AFF2: variants seen among roughly 807,000 people sequenced by gnomAD.
AFF2 encodes AF4/FMR2 family member 2.
Under a neutral mutation model 76.9 loss-of-function variants are expected in AFF2, and 14 were observed. The observed-to-expected ratio is 0.18, with a 90% confidence interval of 0.12 to 0.28. The LOEUF is 0.28. Among genes scored for constraint, AFF2 ranks in the 10% least tolerant of loss-of-function variants. The pLI is 1.00. For synonymous variants in AFF2, 398 were observed against 366.7 expected (o/e 1.09, Z -0.98); for missense variants, 868 against 1,001.1 (o/e 0.87, Z 1.79).
intron 19 of AFF2, among the ~76,000 whole-genome samples, chrX:148,981,537 T>C (rs6419454): frequency 0.31 from 34,289 of 110,139 alleles, 4,308 homozygotes; most frequent in African/African-American, 0.46. Flanking sequence ...ATGTCTCTTA[T>C]AGAGAGTGAG....
chrX:148,964,281 T>C (rs1336256371), intron 13 of AFF2, among the ~76,000 whole-genome samples: 1 of 111,988 alleles, frequency 8.9e-6, no homozygotes, highest in Non-Finnish European at 1.9e-5. Context: ...ATTGGTGTCT[T>C]AGGGCAGGGA....
At chrX:148,524,386 T>A (rs2052636439) in intron 1 of AFF2, among the ~76,000 whole-genome samples, 1 of 111,459 alleles carries the variant, frequency 9.0e-6, no homozygotes, top group Non-Finnish European at 1.9e-5. Flanking sequence ...TTCTCATTTC[T>A]TCATTGCCTT....
At chrX:148,838,834 A>G (rs782098669) in intron 5 of AFF2, among the ~76,000 whole-genome samples, 8 of 112,272 alleles carry the variant, frequency 7.1e-5, no homozygotes, top group South Asian at 3.7e-4. Flanking sequence ...TTTTAGGGTC[A>G]TGATTTTGAA....
chrX:148,665,905 T>C (rs782191830), intron 3 of AFF2, among the ~76,000 whole-genome samples: 18 of 112,049 alleles, frequency 1.6e-4, no homozygotes, highest in Admixed American at 5.7e-4. Context: ...CTTTGAGTAT[T>C]CTCAACTTTT....
chrX:148,799,108 A>G (rs1396563821), intron 3 of AFF2, among the ~76,000 whole-genome samples: 2 of 111,900 alleles, frequency 1.8e-5, no homozygotes, highest in Non-Finnish European at 3.8e-5. Context: ...CTTGCCAACA[A>G]GAAGTGTAAC....
chrX:148,898,257 A>T (rs1482296882), intron 8 of AFF2, among the ~76,000 whole-genome samples: 1 of 112,081 alleles, frequency 8.9e-6, no homozygotes, highest in African/African-American at 3.2e-5. Context: ...TGGCTGTTCA[A>T]CTGGCTGTGG....
intron 3 of AFF2, among the ~76,000 whole-genome samples, chrX:148,711,926 G>A (rs1047580554): frequency 3.6e-5 from 4 of 111,650 alleles, no homozygotes; most frequent in African/African-American, 1.3e-4. Flanking sequence ...ATATGATCTT[G>A]TATCTGCCTT....
intron 3 of AFF2, among the ~76,000 whole-genome samples, chrX:148,692,007 A>G (rs190622814): frequency 9.5e-6 from 1 of 105,627 alleles, no homozygotes; most frequent in East Asian, 3.0e-4. Flanking sequence ...TGAGATTATT[A>G]GTTTAAAACT....
At chrX:148,939,932 C>T (rs1202501720) in intron 9 of AFF2, among the ~76,000 whole-genome samples, 1 of 112,134 alleles carries the variant, frequency 8.9e-6, no homozygotes, top group Non-Finnish European at 1.9e-5. Flanking sequence ...TGAATTTAGG[C>T]ACAGTTACCT....
chrX:148,599,839 C>T (rs1306649773), intron 1 of AFF2, among the ~76,000 whole-genome samples: 3 of 111,573 alleles, frequency 2.7e-5, no homozygotes, highest in Non-Finnish European at 5.6e-5. Flanking sequence ...GTTCAGTCCT[C>T]GAACTTGAAC....
intron 18 of AFF2, 119 bp downstream of exon 18, chrX:148,978,574 G>T (rs1569557926): frequency 2.4e-5 from 12 of 501,266 alleles, no homozygotes; most frequent in Admixed American, 9.3e-5. Flanking sequence ...CTCCCTGCTG[G>T]CCATGGCCGT....
chrX:148,878,518 G>C lies in AFF2; in HGVS notation c.1263-7371G>C, dbSNP rs921255975. On this transcript the variant is annotated intron_variant, in intron 7 of 20. Transcript: ENST00000370460. The stretch of plus-strand genomic sequence containing the variant: ...ATCTCACCGGCAAATACCAAGCCTC[G>C]TATATGGTCTTGAATGAATTCCTAT... 1.1e-4 allele frequency among the ~76,000 whole-genome samples: 12 copies of C among 111,540 alleles called. No homozygotes were observed. The Admixed American group carries it at 1.1e-3, about 11-fold the overall frequency.
chrX:148,770,938 G>A (rs1437711750), intron 3 of AFF2, among the ~76,000 whole-genome samples: 5 of 111,836 alleles, frequency 4.5e-5, no homozygotes, highest in East Asian at 2.8e-4. Context: ...GTTCCCTAAC[G>A]GAAAAAATGT....
intron 9 of AFF2, among the ~76,000 whole-genome samples, chrX:148,945,519 A>G (rs1206624972): frequency 8.9e-6 from 1 of 112,056 alleles, no homozygotes. Flanking sequence ...TAGCCTTGCC[A>G]TGCTCAATGT....
intron 3 of AFF2, among the ~76,000 whole-genome samples, chrX:148,783,486 G>A (rs1383685633): frequency 1.8e-5 from 2 of 111,788 alleles, no homozygotes; most frequent in African/African-American, 6.5e-5. Context: ...TTGTATTTTA[G>A]TTAGTTTTTA....
intron 1 of AFF2, among the ~76,000 whole-genome samples, chrX:148,610,576 A>G (rs782299073): frequency 8.9e-6 from 1 of 111,831 alleles, no homozygotes; most frequent in South Asian, 3.7e-4. Flanking sequence ...AAAGTTGTGT[A>G]GCTGCATCTT....
chrX:148,846,000 GACTATAC>G (rs1432688588), intron 7 of AFF2, among the ~76,000 whole-genome samples: 1 of 111,866 alleles, frequency 8.9e-6, no homozygotes, highest in Non-Finnish European at 1.9e-5. Flanking sequence ...TGTTTATAAG[GACTATAC>G]ACATGGGCAC....
rs182606592 is a variant in AFF2 at position 148,945,378 on chromosome X, C to T, written c.1398-8202C>T. ...AACTTTCTCTGTTGCTAAAGGAGGA[C>T]AGAATAATTATGAAAAAGTGAAATT... On this transcript the variant is annotated intron_variant, in intron 9 of 20. Transcript: ENST00000370460. Among the ~76,000 whole-genome samples the T allele has an allele frequency of 2.3e-3, 262 of 112,227 alleles. 1 individual carries two copies. Among genetic ancestry groups the T allele is most frequent in the African/African-American group, 7.9e-3 (243 of 30,890 alleles).
At chrX:148,976,196 A>C (rs1176524941) in intron 16 of AFF2, among the ~76,000 whole-genome samples, 1 of 111,317 alleles carries the variant, frequency 9.0e-6, no homozygotes, top group African/African-American at 3.3e-5. Context: ...ATTTTGAGGT[A>C]ATTGTAGTTG....
Sources: allele counts gnomAD v4.1 joint callset (sites outside exome capture counted in the v4.1 genomes callset), GRCh38; gene constraint gnomAD v4.1.1; transcripts MANE v1.5; gene names NCBI Gene and HGNC (gene_info 2026-07-23, HGNC 2026-07-21).